CNTNAP2: variants seen among roughly 807,000 people sequenced by gnomAD.
The protein encoded by CNTNAP2 is contactin-associated protein-like 2.
CNTNAP2 carries 98 observed loss-of-function variants against 155.2 expected under a neutral mutation model. That is an observed-to-expected ratio of 0.63 (90% CI 0.54 to 0.75). The LOEUF (loss-of-function observed/expected upper bound fraction) is 0.75, where lower values mean the gene tolerates loss of function less well. CNTNAP2 is among the 30% of genes least tolerant of loss of function. The probability of loss-of-function intolerance (pLI) is 0.00; values close to 1 mark genes in which losing one functional copy is unlikely to be tolerated. For missense variants in CNTNAP2, 1,727 were observed against 1,688.1 expected, an observed-to-expected ratio of 1.02 and a Z score of -0.40; for synonymous variants, 651 against 631.2, an observed-to-expected ratio of 1.03 and a Z score of -0.47.
intron 14 of CNTNAP2, among the ~76,000 whole-genome samples, chr7:147,925,172 A>G (rs1319024610): frequency 6.8e-6 from 1 of 147,784 alleles, no homozygotes; most frequent in Non-Finnish European, 1.5e-5. Flanking sequence ...GGAAGGAAGG[A>G]AGGAAGGAAG....
At chr7:146,759,060 T>C (rs148946084) in intron 1 of CNTNAP2, among the ~76,000 whole-genome samples, 3 of 152,256 alleles carry the variant, frequency 2.0e-5, no homozygotes, top group African/African-American at 7.2e-5. Flanking sequence ...TGACTTACTT[T>C]TTGTTTTCTT....
chr7:146,774,167 A>C (rs148853070), intron 1 of CNTNAP2, 104 bp from the exon 2 acceptor site: 5 of 810,550 alleles, frequency 6.2e-6, no homozygotes, highest in African/African-American at 1.7e-5. Flanking sequence ...TCAAAGATAC[A>C]TAAAAGACAT....
At chr7:148,126,987 A>G (rs1379089031) in intron 16 of CNTNAP2, among the ~76,000 whole-genome samples, 1 of 140,022 alleles carries the variant, frequency 7.1e-6, no homozygotes, top group Admixed American at 7.3e-5. Context: ...GTGACCATAG[A>G]GTCTATTTTT....
intron 3 of CNTNAP2, among the ~76,000 whole-genome samples, chr7:146,960,805 C>G (rs985788858): frequency 6.6e-6 from 1 of 151,998 alleles, no homozygotes; most frequent in East Asian, 1.9e-4. Context: ...TAGAAAATCC[C>G]CATACATTTA....
At chr7:146,756,863 A>G (rs1802003528) in intron 1 of CNTNAP2, among the ~76,000 whole-genome samples, 2 of 152,114 alleles carry the variant, frequency 1.3e-5, no homozygotes, top group South Asian at 4.1e-4. Flanking sequence ...ATAGTACTAA[A>G]CATTTGTGTT....
intron 1 of CNTNAP2, among the ~76,000 whole-genome samples, chr7:146,751,048 CA>C (rs1223296115): frequency 6.6e-6 from 1 of 152,204 alleles, no homozygotes; most frequent in South Asian, 2.1e-4. Flanking sequence ...GTAAATCCAA[CA>C]ATAATTTATA....
At chr7:148,268,470 G>A (rs943059051) in intron 21 of CNTNAP2, among the ~76,000 whole-genome samples, 18 of 151,940 alleles carry the variant, frequency 1.2e-4, no homozygotes, top group African/African-American at 4.4e-4. Flanking sequence ...TGGCTAACAC[G>A]GTGAAACCCC....
intron 8 of CNTNAP2, among the ~76,000 whole-genome samples, chr7:147,213,100 A>C (rs1473832454): frequency 1.3e-5 from 2 of 152,130 alleles, no homozygotes; most frequent in Non-Finnish European, 2.9e-5. Flanking sequence ...ATGGATACTG[A>C]TAAGTCCCAC....
intron 13 of CNTNAP2, among the ~76,000 whole-genome samples, chr7:147,732,821 A>G (rs1222518549): frequency 6.6e-6 from 1 of 152,062 alleles, no homozygotes; most frequent in East Asian, 1.9e-4. Flanking sequence ...TCTTGGCTGC[A>G]TAAATGTCTT....
intron 14 of CNTNAP2, among the ~76,000 whole-genome samples, chr7:147,963,585 T>C (rs569039227): frequency 8.7e-4 from 133 of 152,248 alleles, no homozygotes; most frequent in Middle Eastern, 6.8e-3. Flanking sequence ...ATGGTTTATG[T>C]GGCTAGGAGG....
chr7:146,613,951 T>C (rs1799182732), intron 1 of CNTNAP2, among the ~76,000 whole-genome samples: 1 of 152,142 alleles, frequency 6.6e-6, no homozygotes, highest in Non-Finnish European at 1.5e-5. Context: ...AAATAAGTAA[T>C]TTATTATTTC....
chr7:147,712,445 A>G (rs1199216738), intron 13 of CNTNAP2, among the ~76,000 whole-genome samples: 1 of 152,206 alleles, frequency 6.6e-6, no homozygotes, highest in East Asian at 1.9e-4. Context: ...ACACATGCAC[A>G]TGTATGTTTA....
intron 17 of CNTNAP2, among the ~76,000 whole-genome samples, chr7:148,168,155 G>A (rs2972109): frequency 0.36 from 53,448 of 150,226 alleles, 10,190 homozygotes; most frequent in African/African-American, 0.53. Flanking sequence ...TCAGTGTGGC[G>A]ATTCCTCAGG....
At position 148,416,389 on chromosome 7, in the gene CNTNAP2, T is replaced by TATCA. The variant is rs1203547857; in HGVS notation, c.*774_*777dup. ...GTAGTCTTAGACCAATAGCTGTAAC[T>TATCA]ATCAGCTGCAATACCATGGTGACCA... On this transcript the variant is annotated 3_prime_UTR_variant, in exon 24 of 24. Coordinates refer to ENST00000361727, the MANE Select transcript of CNTNAP2 (RefSeq NM_014141.6). 1.3e-5 allele frequency: 2 copies of TATCA among 152,256 alleles called. No homozygotes were observed. Among genetic ancestry groups the TATCA allele is most frequent in the Admixed American group, 6.5e-5 (1 of 15,290 alleles). The allele number at this position is 152,256 out of a possible 1,614,324, so 9.4% of individuals were successfully genotyped here.
intron 4 of CNTNAP2, among the ~76,000 whole-genome samples, chr7:147,076,212 C>T (rs1799998204): frequency 6.6e-6 from 1 of 152,190 alleles, no homozygotes; most frequent in African/African-American, 2.4e-5. Flanking sequence ...GCCACACTGT[C>T]TTCCACAAAG....
At chr7:148,354,364 G>A (rs1388061155) in intron 21 of CNTNAP2, among the ~76,000 whole-genome samples, 1 of 152,078 alleles carries the variant, frequency 6.6e-6, no homozygotes, top group Non-Finnish European at 1.5e-5. Context: ...CCTTAGAAAA[G>A]TTGTTGAAAT....
At chr7:147,571,880 C>T (rs1800301032) in intron 12 of CNTNAP2, among the ~76,000 whole-genome samples, 1 of 152,058 alleles carries the variant, frequency 6.6e-6, no homozygotes, top group Admixed American at 6.6e-5. Context: ...CCTAGTTTAC[C>T]TCCTCTATGG....
chr7:147,949,460 T>TATATATATATATATATATATA (rs60849459), intron 14 of CNTNAP2, among the ~76,000 whole-genome samples: 112 of 92,030 alleles, frequency 1.2e-3, no homozygotes, highest in Non-Finnish European at 2.5e-3. Context: ...ATATATATAT[T>TATATATATATATATATATATA]TTTTTTTTTT....
intron 18 of CNTNAP2, among the ~76,000 whole-genome samples, chr7:148,214,057 C>T (rs1795595193): frequency 6.6e-6 from 1 of 152,240 alleles, no homozygotes. Flanking sequence ...TACTTGGCTA[C>T]CCACCTCTGG....
Sources: allele counts gnomAD v4.1 joint callset (sites outside exome capture counted in the v4.1 genomes callset), GRCh38; gene constraint gnomAD v4.1.1; transcripts MANE v1.5; gene names NCBI Gene and HGNC (gene_info 2026-07-23, HGNC 2026-07-21).